DHX37: variants seen among roughly 807,000 people sequenced by gnomAD.
The protein encoded by DHX37 is probable ATP-dependent RNA helicase DHX37.
DHX37 carries 52 observed loss-of-function variants against 134.3 expected under a neutral mutation model. That is an observed-to-expected ratio of 0.39 (90% confidence interval 0.31 to 0.49). DHX37 has a LOEUF of 0.49. Ranked by LOEUF, DHX37 falls within the 20% of genes least tolerant of loss-of-function variation. DHX37 has a pLI of 0.93. For synonymous variants in DHX37, 634 were observed against 670.7 expected, an observed-to-expected ratio of 0.95 and a Z score of 0.85; for missense variants, 1,344 against 1,580.8, an observed-to-expected ratio of 0.85 and a Z score of 2.54.
At position 124,949,725 on chromosome 12, in the gene DHX37, A is replaced by T. The variant is rs1205567690; in HGVS notation, c.3290+261T>A. ...GAACACAGGGAGGGAGACTAAAGAC[A>T]CACAGAGAGATGGCCACGTGAAGAT... is the stretch of plus-strand genomic sequence containing the variant. On this transcript the variant is annotated intron_variant, in intron 25 of 26. Transcript: ENST00000308736. This position sits in a 1 kb window ranked among gnomAD's most constrained non-coding sequence, Gnocchi z 4.0. 6.6e-6 allele frequency among the ~76,000 whole-genome samples: 1 copy of T among 152,106 alleles called. No homozygotes were observed. The highest frequency in any genetic ancestry group is 2.1e-4 in the South Asian group (1 of 4,826).
intron 4 of DHX37, among the ~76,000 whole-genome samples, chr12:124,978,707 T>C (rs887920932): frequency 4.0e-5 from 6 of 150,880 alleles, no homozygotes; most frequent in Non-Finnish European, 7.4e-5. Flanking sequence ...AGAGGACTGC[T>C]TGAGGTCAGG....
At chr12:124,971,737 C>T (rs1000563803) in intron 7 of DHX37, among the ~76,000 whole-genome samples, 4 of 152,196 alleles carry the variant, frequency 2.6e-5, no homozygotes, top group Non-Finnish European at 5.9e-5. Context: ...TGCCATCCCC[C>T]TGGGAGATTG....
chr12:124,987,987 C>CTT (rs11349687), intron 1 of DHX37, among the ~76,000 whole-genome samples: 166 of 79,666 alleles, frequency 2.1e-3, no homozygotes, highest in Non-Finnish European at 2.8e-3. Flanking sequence ...GTCTGTGGAA[C>CTT]TTTTTTTTTT....
intron 8 of DHX37, 71 bp from the exon 9 acceptor site, chr12:124,969,039 T>C (rs1049284131): frequency 2.7e-6 from 4 of 1,468,366 alleles, no homozygotes; most frequent in Admixed American, 3.8e-5. Context: ...GAAATCGGCA[T>C]GGGGGTGCCC....
chr12:124,985,948 G>T, intron 2 of DHX37, 148 bp downstream of exon 2: 2 of 871,202 alleles, frequency 2.3e-6, no homozygotes, highest in South Asian at 1.8e-5. Flanking sequence ...GTGGTTAGTG[G>T]CTACCGCACT....
intron 16 of DHX37, among the ~76,000 whole-genome samples, chr12:124,957,881 G>A (rs73229555): frequency 0.12 from 18,053 of 152,240 alleles, 1,169 homozygotes; most frequent in East Asian, 0.16. Context: ...TGAACAAAAC[G>A]TGGGCCACCC....
intron 25 of DHX37, 179 bp from the exon 26 acceptor site, chr12:124,948,360 G>A: frequency 8.5e-7 from 1 of 1,179,310 alleles, no homozygotes; most frequent in Non-Finnish European, 1.2e-6. Context: ...TGAAGTAGGA[G>A]GATCCCTTGA....
intron 26 of DHX37, 62 bp downstream of exon 26, chr12:124,948,022 A>T: frequency 6.2e-7 from 1 of 1,614,010 alleles, no homozygotes; most frequent in Non-Finnish European, 8.5e-7. Flanking sequence ...ACAAAGCACA[A>T]AGCCCCTGCC....
rs141343765 is a variant in DHX37, at chr12:124,983,418, T to TACACACACACACACACACACAC, written c.277-817_277-796dup. ...AGCCTACACACTTCTATGTGTGTAT[T>TACACACACACACACACACACAC]ACACACACACACACACACACACACA... On this transcript the variant is annotated intron_variant, in intron 2 of 26. Coordinates refer to ENST00000308736, the MANE Select transcript of DHX37 (RefSeq NM_032656.4). Among the ~76,000 whole-genome samples, 273 of 148,206 alleles carry TACACACACACACACACACACAC rather than the reference T, an allele frequency of 1.8e-3. 2 individuals carry two copies. The highest frequency in any genetic ancestry group is 6.5e-3 in the South Asian group (30 of 4,602).
At position 124,980,499 on chromosome 12, in the gene DHX37, C is replaced by T. The variant is rs377378745; in HGVS notation, c.729G>A (p.Pro243=). 184 of 1,607,764 alleles carry T rather than the reference C, an allele frequency of 1.1e-4. No homozygotes were observed. The highest frequency in any genetic ancestry group is 1.8e-4 in the Middle Eastern group (1 of 5,516). ...ACACGGGGTGGCGAACCTGCATTTC[C>T]GGGGAGCGGTTCACGGGGATGAAGA... ...PAVFIPVNRS[P]EMQEERLKLP... is the part of the protein sequence containing the mutation. The change falls in exon 4 of 27, where the codon CCG becomes CCA. Residue 243 remains proline (P), a synonymous_variant. Transcript: ENST00000308736. This position sits in a 1 kb window ranked among gnomAD's most constrained non-coding sequence, Gnocchi z 5.3.
chr12:124,959,754 C>G (rs535137218), intron 16 of DHX37, among the ~76,000 whole-genome samples: 1 of 152,330 alleles, frequency 6.6e-6, no homozygotes, highest in Admixed American at 6.5e-5. Context: ...CCAGAAAAAT[C>G]AGTGAGCACA....
In DHX37 at chr12:124,947,461, G is replaced by T. The variant is rs1016599297; in HGVS notation, c.*341C>A. The T allele has an allele frequency of 9.4e-6, 2 of 213,692 alleles. No homozygotes were observed. Among genetic ancestry groups the T allele is most frequent in the Non-Finnish European group, 1.8e-5 (2 of 108,698 alleles). 13.2% of individuals were successfully genotyped at this position (213,692 alleles called of 1,614,324 possible). ...TGCCTCCTCGGCCTTCTGGCAGGGC[G>T]GGCGGGGAAGGGACTGCAGAGATCT... On this transcript the variant is annotated 3_prime_UTR_variant, in exon 27 of 27. Transcript: ENST00000308736.
At chr12:124,965,880 G>T (rs1954376477) in intron 12 of DHX37, 68 bp from the exon 13 acceptor site, 2 of 1,555,412 alleles carry the variant, frequency 1.3e-6, no homozygotes, top group Non-Finnish European at 8.7e-7. Flanking sequence ...GCACGTGCAG[G>T]AAGACAGGTG....
intron 16 of DHX37, among the ~76,000 whole-genome samples, chr12:124,959,235 A>G (rs1954174928): frequency 6.6e-6 from 1 of 151,756 alleles, no homozygotes. Flanking sequence ...CACCACACTC[A>G]GCTAATTTTT....
intron 10 of DHX37, 138 bp downstream of exon 10, chr12:124,968,396 G>C: frequency 7.1e-7 from 1 of 1,412,954 alleles, no homozygotes; most frequent in Middle Eastern, 2.1e-4. Context: ...GAACACTCTG[G>C]AATAAGTGAG....
chr12:124,980,795 T>C lies in DHX37; in HGVS notation c.433A>G (p.Ser145Gly). Residue 145 changes from serine (S) to glycine (G), a missense_variant, in exon 4 of 27, where the codon AGC becomes GGC. Coordinates refer to ENST00000308736, the MANE Select transcript of DHX37 (RefSeq NM_032656.4). This position sits in a 1 kb window ranked among gnomAD's most constrained non-coding sequence, Gnocchi z 5.3. ...VVAPGQEKIS[S>G]LSGAHRKRRR... The stretch of plus-strand genomic sequence containing the variant: ...CGCTTCCGGTGGGCACCGCTGAGGC[T>C]ACTGATCTTCTCCTGGCCCGGGGCT... 1 of 1,558,286 alleles carries C rather than the reference T, an allele frequency of 6.4e-7. No homozygotes were observed. Among genetic ancestry groups the C allele is most frequent in the Non-Finnish European group, 8.7e-7 (1 of 1,153,868 alleles).
intron 16 of DHX37, among the ~76,000 whole-genome samples, chr12:124,959,977 C>A (rs1445340050): frequency 6.6e-6 from 1 of 152,244 alleles, no homozygotes; most frequent in Admixed American, 6.5e-5. Flanking sequence ...AGGGATCCCC[C>A]CCTCCACTGG....
At chr12:124,982,055 G>A (rs1409601494) in intron 3 of DHX37, among the ~76,000 whole-genome samples, 2 of 151,718 alleles carry the variant, frequency 1.3e-5, no homozygotes, top group Non-Finnish European at 2.9e-5. Flanking sequence ...CCTGGGAGGT[G>A]GAGGTTGCGG....
At chr12:124,967,482 C>T (rs530847246) in intron 10 of DHX37, among the ~76,000 whole-genome samples, 16 of 152,316 alleles carry the variant, frequency 1.1e-4, no homozygotes, top group East Asian at 5.8e-4. Context: ...CGTGCTCACA[C>T]GGAACCCTGC....
Sources: allele counts gnomAD v4.1 joint callset (sites outside exome capture counted in the v4.1 genomes callset), GRCh38; gene constraint gnomAD v4.1.1; non-coding constraint Gnocchi (gnomAD v3.1); transcripts MANE v1.5; gene names NCBI Gene and HGNC (gene_info 2026-07-23, HGNC 2026-07-21).